HNF1B: variants seen among roughly 807,000 people sequenced by gnomAD.
HNF1B encodes HNF1 homeobox B, also known as hepatocyte nuclear factor 1-beta.
In HNF1B, 8 loss-of-function variants were observed where a neutral mutation model predicts 61.7. That is an observed-to-expected ratio of 0.13 (90% confidence interval 0.08 to 0.23). The LOEUF (loss-of-function observed/expected upper bound fraction) is 0.23, where lower values mean the gene tolerates loss of function less well. HNF1B is among the 10% of genes least tolerant of loss of function. The pLI is 1.00. For synonymous variants in HNF1B, 314 were observed against 287.7 expected (o/e 1.09, Z -0.93); for missense variants, 562 against 714.5 (o/e 0.79, Z 2.43).
chr17:37,744,006 C>A (rs2034084179), intron 1 of HNF1B, among the ~76,000 whole-genome samples: 1 of 152,256 alleles, frequency 6.6e-6, no homozygotes, highest in Non-Finnish European at 1.5e-5. Flanking sequence ...CAAGAGTGCC[C>A]ACCAGGGAAC....
chr17:37,699,692 A>G (rs1219455718), intron 7 of HNF1B, among the ~76,000 whole-genome samples: 1 of 152,166 alleles, frequency 6.6e-6, no homozygotes, highest in African/African-American at 2.4e-5. Context: ...GGAGCACATC[A>G]CCAGGCTCTG....
chr17:37,710,675 C>A lies in HNF1B; in HGVS notation c.1046-12G>T. The A allele has an allele frequency of 6.2e-7, 1 of 1,612,102 alleles. No individual in the cohort carries two copies. The stretch of plus-strand genomic sequence containing the variant: ...GCTGTAGCGCACTCCTGCAAAACAA[C>A]ACAAACCCAGTAGGGAACATTAGTG... On this transcript the variant is annotated splice_polypyrimidine_tract_variant and intron_variant, in intron 4 of 8. Transcript: ENST00000617811.
At chr17:37,716,727 G>A (rs1174159762) in intron 4 of HNF1B, among the ~76,000 whole-genome samples, 1 of 152,136 alleles carries the variant, frequency 6.6e-6, no homozygotes, top group Non-Finnish European at 1.5e-5. Flanking sequence ...CAGGGCCTTA[G>A]AGCTACAGCT....
In HNF1B at chr17:37,723,280, G is replaced by T. The variant is rs570724265; in HGVS notation, c.1045+8315C>A. ...GAGAATGGCGTGAACCCGGGAGGCG[G>T]AGCTTGCAGTGAGCCGAGATCGCGC... On this transcript the variant is annotated intron_variant, in intron 4 of 8. Transcript: ENST00000617811. 1.6e-4 allele frequency among the ~76,000 whole-genome samples: 24 copies of T among 152,112 alleles called. No homozygotes were observed. The East Asian group carries it at 4.4e-3, about 28-fold the overall frequency.
intron 2 of HNF1B, among the ~76,000 whole-genome samples, chr17:37,737,207 C>G (rs1447989628): frequency 1.3e-5 from 2 of 152,140 alleles, no homozygotes; most frequent in African/African-American, 4.8e-5. Context: ...CTTCCTAATT[C>G]TTATATCATG....
chr17:37,705,179 A>G (rs1458332541), intron 5 of HNF1B, 130 bp from the exon 6 acceptor site: 2 of 1,020,370 alleles, frequency 2.0e-6, no homozygotes, highest in Non-Finnish European at 3.0e-6. Context: ...TCACTCAATA[A>G]CAATTATTGG....
Position 37,700,968 on chromosome 17 carries a change from TG to T in HNF1B, c.1534+14del. On this transcript the variant is annotated intron_variant, in intron 7 of 8. Transcript: ENST00000617811. ...GTCCTGAGTGCTCCCTCCCTCCACA[TG>T]CCCGTGTCCTTACTGTGTGAGTTCT... 6.4e-7 allele frequency: 1 copy of T among 1,552,622 alleles called. No homozygotes were observed. Among genetic ancestry groups the T allele is most frequent in the South Asian group, 1.2e-5 (1 of 84,236 alleles).
intron 4 of HNF1B, among the ~76,000 whole-genome samples, chr17:37,721,825 A>T (rs2033328563): frequency 6.6e-6 from 1 of 151,980 alleles, no homozygotes; most frequent in Admixed American, 6.6e-5. Context: ...TGTTTTATAG[A>T]AGGAGACAAA....
In HNF1B at chr17:37,701,190, G is replaced by A. The variant is rs1314588638; in HGVS notation, c.1340-13C>T. The A allele has an allele frequency of 4.6e-5, 71 of 1,550,084 alleles. No individual in the cohort carries two copies. Among genetic ancestry groups the A allele is most frequent in the Non-Finnish European group, 6.2e-5 (71 of 1,146,820 alleles). Reference sequence around the variant, plus strand: ...GAGGTGTTGAGGCCTGTGGGAGCAAGAGGAAAAGATCACAGACAGCTCCTG... The same window carrying A: ...GAGGTGTTGAGGCCTGTGGGAGCAAAAGGAAAAGATCACAGACAGCTCCTG... On this transcript the variant is annotated splice_polypyrimidine_tract_variant and intron_variant, in intron 6 of 8. Coordinates refer to ENST00000617811, the MANE Select transcript of HNF1B (RefSeq NM_000458.4).
At chr17:37,735,359 T>C (rs1017301206) in intron 2 of HNF1B, among the ~76,000 whole-genome samples, 10 of 152,166 alleles carry the variant, frequency 6.6e-5, no homozygotes, top group Non-Finnish European at 2.9e-5. Context: ...CTCATTTCCA[T>C]TTTGCTCCAT....
At chr17:37,706,337 G>A (rs1026866244) in intron 5 of HNF1B, among the ~76,000 whole-genome samples, 2 of 152,122 alleles carry the variant, frequency 1.3e-5, no homozygotes, top group African/African-American at 2.4e-5. Flanking sequence ...GAGAGCATCA[G>A]GAACCCCGAG....
chr17:37,723,344 C>CA lies in HNF1B; in HGVS notation c.1045+8250dup, dbSNP rs571849876. 1.1e-3 allele frequency among the ~76,000 whole-genome samples: 157 copies of CA among 143,520 alleles called. 1 individual carries two copies. Among genetic ancestry groups the CA allele is most frequent in the Middle Eastern group, 3.5e-3 (1 of 284 alleles). 94.2% of individuals were successfully genotyped at this position (143,520 alleles called of 152,430 possible). A position where few individuals can be genotyped will look rare whatever the true frequency, so the allele number is the denominator to read the frequency against. The stretch of plus-strand genomic sequence containing the variant: ...CCTGGGAGATAGCGAGACTCTGTCT[C>CA]AAAAAAAAAAATTAAAAGAAAAAGA... On this transcript the variant is annotated intron_variant, in intron 4 of 8. Transcript: ENST00000617811.
intron 8 of HNF1B, among the ~76,000 whole-genome samples, chr17:37,690,981 G>A (rs780844950): frequency 6.6e-6 from 1 of 152,180 alleles, no homozygotes; most frequent in Non-Finnish European, 1.5e-5. Flanking sequence ...GCCAAAGAAT[G>A]AGGCCCGGGG....
Position 37,731,780 on chromosome 17 carries a change from C to G in HNF1B, c.860G>C (p.Gly287Ala). Reference sequence around the variant, plus strand: ...ACGGACCTCAGTGACCAAGTTGGAGCCCAGGCCGTGGGCTTTGGAGGGGGA... The same window carrying G: ...ACGGACCTCAGTGACCAAGTTGGAGGCCAGGCCGTGGGCTTTGGAGGGGGA... ...GVSPSKAHGL[G>A]SNLVTEVRVY... Residue 287 changes from glycine (G) to alanine (A), a missense_variant, in exon 4 of 9, where the codon GGC becomes GCC. Gly to Ala is a moderately conservative substitution (Grantham distance 60). Coordinates refer to ENST00000617811, the MANE Select transcript of HNF1B (RefSeq NM_000458.4). The G allele has an allele frequency of 1.9e-6, 3 of 1,614,040 alleles. No homozygotes were observed. The highest frequency in any genetic ancestry group is 2.5e-6 in the Non-Finnish European group (3 of 1,179,982).
At chr17:37,697,411 A>G (rs937887786) in intron 8 of HNF1B, among the ~76,000 whole-genome samples, 1 of 152,166 alleles carries the variant, frequency 6.6e-6, no homozygotes, top group African/African-American at 2.4e-5. Flanking sequence ...TCCAATGGAG[A>G]GGAGAAGCCA....
intron 8 of HNF1B, among the ~76,000 whole-genome samples, chr17:37,694,562 T>C (rs1372391837): frequency 6.6e-6 from 1 of 151,652 alleles, no homozygotes; most frequent in East Asian, 1.9e-4. Flanking sequence ...AAGGAAAGTT[T>C]AGAATTTCTT....
intron 4 of HNF1B, among the ~76,000 whole-genome samples, chr17:37,711,916 C>T (rs2032947802): frequency 6.6e-6 from 1 of 152,142 alleles, no homozygotes; most frequent in African/African-American, 2.4e-5. Context: ...CAGAGGAGAC[C>T]ACAAAGTTCC....
At position 37,687,278 on chromosome 17, in the gene HNF1B, G is replaced by C; in HGVS notation, c.*94C>G. ...AGGGACCTCTCGCAGGTGCTGGTCA[G>C]GTCACTGGGCTTTTCCATGACAGCT... On this transcript the variant is annotated 3_prime_UTR_variant, in exon 9 of 9. Coordinates refer to ENST00000617811, the MANE Select transcript of HNF1B (RefSeq NM_000458.4). The C allele has an allele frequency of 1.2e-6, 2 of 1,610,724 alleles. No homozygotes were observed. Among genetic ancestry groups the C allele is most frequent in the Middle Eastern group, 3.3e-4 (2 of 6,050 alleles).
chr17:37,687,281 C>T lies in HNF1B; in HGVS notation c.*91G>A, dbSNP rs1446395420. 1.9e-6 allele frequency: 3 copies of T among 1,611,768 alleles called. No individual in the cohort carries two copies. The highest frequency in any genetic ancestry group is 2.5e-6 in the Non-Finnish European group (3 of 1,178,488). On this transcript the variant is annotated 3_prime_UTR_variant, in exon 9 of 9. Transcript: ENST00000617811. The stretch of plus-strand genomic sequence containing the variant: ...GACCTCTCGCAGGTGCTGGTCAGGT[C>T]ACTGGGCTTTTCCATGACAGCTGCC...
Sources: allele counts gnomAD v4.1 joint callset (sites outside exome capture counted in the v4.1 genomes callset), GRCh38; gene constraint gnomAD v4.1.1; transcripts MANE v1.5; gene names NCBI Gene and HGNC (gene_info 2026-07-23, HGNC 2026-07-21).